The following ZNF777 variants were observed in gnomAD, a reference collection of about 807,000 sequenced individuals.
The protein encoded by ZNF777 is zinc finger protein 777.
A neutral mutation model predicts 72.1 loss-of-function variants in ZNF777; 7 were observed. That is an observed-to-expected ratio of 0.10 (90% CI 0.06 to 0.18). The LOEUF (loss-of-function observed/expected upper bound fraction) is 0.18, where lower values mean the gene tolerates loss of function less well. Ranked by LOEUF, ZNF777 falls within the 10% of genes least tolerant of loss-of-function variation. The pLI, the probability that ZNF777 is intolerant of heterozygous loss-of-function variation, is 1.00. For synonymous variants in ZNF777, 545 were observed against 483.5 expected, an observed-to-expected ratio of 1.13 and a Z score of -1.67; for missense variants, 828 against 1,128.6, an observed-to-expected ratio of 0.73 and a Z score of 3.82.
intron 1 of ZNF777, among the ~76,000 whole-genome samples, chr7:149,456,256 T>C (rs1799831456): frequency 6.6e-6 from 1 of 152,202 alleles, no homozygotes; most frequent in South Asian, 2.1e-4. Context: ...TGCTACCTTT[T>C]GTTTCTCACA....
chr7:149,434,398 C>T (rs936295208), intron 5 of ZNF777, among the ~76,000 whole-genome samples: 11 of 152,100 alleles, frequency 7.2e-5, no homozygotes, highest in African/African-American at 2.2e-4. Context: ...CAGCAAGAAG[C>T]GACCCAGAAC....
Position 149,434,564 on chromosome 7 carries a change from A to C in ZNF777, c.1340-1632T>G, listed in dbSNP as rs1585687412. ...GCACTAAACTCTCCTTGAGCATCAAAGGTGCTTATTTCTTTTTTTCTTTTA... is the reference window on the plus strand; with the variant it reads ...GCACTAAACTCTCCTTGAGCATCAACGGTGCTTATTTCTTTTTTTCTTTTA... On this transcript the variant is annotated intron_variant, in intron 5 of 5. Coordinates refer to ENST00000247930, the MANE Select transcript of ZNF777 (RefSeq NM_015694.3). Among the ~76,000 whole-genome samples the C allele has an allele frequency of 4.6e-5, 7 of 152,272 alleles. No homozygotes were observed. The East Asian group carries it at 1.4e-3, about 29-fold the overall frequency.
At chr7:149,443,798 G>T (rs1023129850) in intron 4 of ZNF777, among the ~76,000 whole-genome samples, 1 of 152,096 alleles carries the variant, frequency 6.6e-6, no homozygotes, top group Non-Finnish European at 1.5e-5. Context: ...TTACCATGTT[G>T]CCCAGGCTAA....
Position 149,432,695 on chromosome 7 carries a change from A to G in ZNF777, c.1577T>C (p.Leu526Pro), listed in dbSNP as rs745517061. Residue 526 changes from leucine (L) to proline (P), a missense_variant, in exon 6 of 6, where the codon CTG becomes CCG. Physicochemically the swap from Leu to Pro is moderately conservative, Grantham distance 98. This residue lies in a region of ZNF777 where 219 missense variants were observed against 223.0 expected (regional missense o/e 0.98). Coordinates refer to ENST00000247930, the MANE Select transcript of ZNF777 (RefSeq NM_015694.3). ...GCTCGAGGCCCCGCGGTTCTCGCTC[A>G]GGTGCCGCTCACCGTGCACGGAGGG... Reference protein sequence around the residue: ...LAPSVHGERHLSENRGASSQQ... With the variant: ...LAPSVHGERHPSENRGASSQQ... The G allele has an allele frequency of 1.2e-6, 2 of 1,612,716 alleles. No individual in the cohort carries two copies. Among genetic ancestry groups the G allele is most frequent in the Middle Eastern group, 1.7e-4 (1 of 6,024 alleles).
chr7:149,437,749 G>T, intron 4 of ZNF777, among the ~76,000 whole-genome samples: 1 of 145,802 alleles, frequency 6.9e-6, no homozygotes. Flanking sequence ...ACTTTTCTCT[G>T]TGCTTATGTT....
chr7:149,460,238 G>GGCGCTCTCCGCAGGCGGCGCCGGCCCA lies in ZNF777; in HGVS notation c.-16+550_-16+576dup, dbSNP rs1454077072. 1 of 324,398 alleles carries GGCGCTCTCCGCAGGCGGCGCCGGCCCA rather than the reference G, an allele frequency of 3.1e-6. No individual in the cohort carries two copies. Among genetic ancestry groups the GGCGCTCTCCGCAGGCGGCGCCGGCCCA allele is most frequent in the Non-Finnish European group, 4.4e-6 (1 of 229,054 alleles). The allele number at this position is 324,398 out of a possible 1,614,324, so 20.1% of individuals were successfully genotyped here. On this transcript the variant is annotated intron_variant, in intron 1 of 5. Transcript: ENST00000247930. The surrounding 1 kb of genome is among the most constrained non-coding windows in gnomAD (Gnocchi z 6.1). ...CGGCCCCACGCAGGCCCGGCCGCCC[G>GGCGCTCTCCGCAGGCGGCGCCGGCCCA]GCGCTCTCCGCAGGCGGCGCCGGCC...
chr7:149,434,906 A>C (rs1215789788), intron 5 of ZNF777, among the ~76,000 whole-genome samples: 2 of 152,084 alleles, frequency 1.3e-5, no homozygotes, highest in Non-Finnish European at 2.9e-5. Context: ...TTTTTTCTTC[A>C]TGGAATGGTA....
In ZNF777 at chr7:149,432,545, C is replaced by T. The variant is rs1409286851; in HGVS notation, c.1727G>A (p.Cys576Tyr). 1 of 1,613,738 alleles carries T rather than the reference C, an allele frequency of 6.2e-7. No individual in the cohort carries two copies. The highest frequency in any genetic ancestry group is 8.5e-7 in the Non-Finnish European group (1 of 1,179,882). ...CCGGAAGCTGATCTCGCATTCGGCG[C>T]ACTCGTAGGGCCCCTCCTTGATGTG... ...RNHIKEGPYE[C>Y]AECEISFRHK... Residue 576 changes from cysteine to tyrosine, a missense_variant, in exon 6 of 6, where the codon TGC becomes TAC. By Grantham distance (194) the Cys-to-Tyr change is radical. This residue lies in a region of ZNF777 where 22 missense variants were observed against 48.3 expected (regional missense o/e 0.46). Transcript: ENST00000247930.
chr7:149,454,018 T>C, intron 3 of ZNF777, 93 bp downstream of exon 3: 2 of 1,548,398 alleles, frequency 1.3e-6, no homozygotes, highest in South Asian at 1.2e-5. Flanking sequence ...CTTGCAACTA[T>C]TGGCTCTGCT....
chr7:149,459,736 AGCCGCGTCAGC>A (rs1799907744), intron 1 of ZNF777: 1 of 984,862 alleles, frequency 1.0e-6, no homozygotes, highest in Non-Finnish European at 1.2e-6. Flanking sequence ...GAAATGGGAG[AGCCGCGTCAGC>A]GCCGCGCCCG....
At chr7:149,439,100 GAAAGTA>G (rs370683854) in intron 4 of ZNF777, among the ~76,000 whole-genome samples, 2,224 of 152,044 alleles carry the variant, frequency 0.015, 57 homozygotes, top group African/African-American at 0.051. Context: ...CAATCTCAGG[GAAAGTA>G]ATGTCTCTCT....
chr7:149,440,559 T>C (rs1348183856), intron 4 of ZNF777, among the ~76,000 whole-genome samples: 2 of 151,990 alleles, frequency 1.3e-5, no homozygotes, highest in African/African-American at 4.8e-5. Flanking sequence ...GGTCTCCCTA[T>C]GTTGCCCAGG....
At chr7:149,433,054 CT>C in intron 5 of ZNF777, 122 bp from the exon 6 acceptor site, 1 of 1,385,098 alleles carries the variant, frequency 7.2e-7, no homozygotes, top group East Asian at 2.6e-5. Flanking sequence ...CAAATTCCTT[CT>C]TTTGGGAAAA....
intron 1 of ZNF777, chr7:149,459,803 G>A (rs1466523892): frequency 1.0e-6 from 1 of 984,738 alleles, no homozygotes. Flanking sequence ...AAAACGTGCC[G>A]GCGGCTACCC....
rs539503955 is a variant in ZNF777 at position 149,431,771 on chromosome 7, C to T, written c.*5G>A. On this transcript the variant is annotated 3_prime_UTR_variant, in exon 6 of 6. Coordinates refer to ENST00000247930, the MANE Select transcript of ZNF777 (RefSeq NM_015694.3). Reference sequence around the variant, plus strand: ...CTGGCCGGGCGGCGGCGGCGGGGCGCGCGCTCACTCGCCCGTGTGGGTCCG... The same window carrying T: ...CTGGCCGGGCGGCGGCGGCGGGGCGTGCGCTCACTCGCCCGTGTGGGTCCG... The T allele has an allele frequency of 1.5e-5, 23 of 1,552,340 alleles. No homozygotes were observed. The highest frequency in any genetic ancestry group is 2.4e-5 in the East Asian group (1 of 42,036).
In ZNF777 at chr7:149,460,146, T is replaced by C. The variant is rs937571774; in HGVS notation, c.-16+669A>G. Reference sequence around the variant, plus strand: ...ACAGGAGCCGGGGCCGCCTCGGCCATGGCCCTGCGCTGTCCGGCCCGGGCC... The same window carrying C: ...ACAGGAGCCGGGGCCGCCTCGGCCACGGCCCTGCGCTGTCCGGCCCGGGCC... On this transcript the variant is annotated intron_variant, in intron 1 of 5. Transcript: ENST00000247930. This position sits in a 1 kb window ranked among gnomAD's most constrained non-coding sequence, Gnocchi z 6.1. 1 of 976,540 alleles carries C rather than the reference T, an allele frequency of 1.0e-6. No homozygotes were observed. Among genetic ancestry groups the C allele is most frequent in the Non-Finnish European group, 1.2e-6 (1 of 824,472 alleles). 60.5% of individuals were successfully genotyped at this position (976,540 alleles called of 1,614,324 possible).
chr7:149,437,939 G>A (rs1335162079), intron 4 of ZNF777, among the ~76,000 whole-genome samples: 1 of 151,074 alleles, frequency 6.6e-6, no homozygotes, highest in Non-Finnish European at 1.5e-5. Context: ...GAGTGCAATG[G>A]TGTGGTCTCG....
intron 3 of ZNF777, among the ~76,000 whole-genome samples, chr7:149,452,525 C>T (rs1201842531): frequency 2.0e-5 from 3 of 149,342 alleles, no homozygotes; most frequent in Non-Finnish European, 3.0e-5. Context: ...CCCAGCTACT[C>T]GGGAGGCTGA....
intron 1 of ZNF777, among the ~76,000 whole-genome samples, chr7:149,458,427 G>T (rs1211652327): frequency 2.0e-5 from 3 of 151,938 alleles, no homozygotes; most frequent in East Asian, 3.8e-4. Context: ...CCTAGCACTA[G>T]AAAGAAGAAG....
Sources: allele counts gnomAD v4.1 joint callset (sites outside exome capture counted in the v4.1 genomes callset), GRCh38; gene constraint gnomAD v4.1.1; regional missense constraint gnomAD v4.1.1; non-coding constraint Gnocchi (gnomAD v3.1); transcripts MANE v1.5; gene names NCBI Gene and HGNC (gene_info 2026-07-23, HGNC 2026-07-21).